EXOC4: variants seen among roughly 807,000 people sequenced by gnomAD.
EXOC4 encodes exocyst complex component 4.
A neutral mutation model predicts 107.2 loss-of-function variants in EXOC4; 71 were observed. The observed-to-expected ratio is 0.66, with a 90% CI of 0.55 to 0.81. The LOEUF (loss-of-function observed/expected upper bound fraction) is 0.81. Among genes scored for constraint, EXOC4 ranks in the 30% least tolerant of loss-of-function variants. The probability of loss-of-function intolerance (pLI) is 0.00; values close to 1 mark genes in which losing one functional copy is unlikely to be tolerated. For synonymous variants in EXOC4, 456 were observed against 441.2 expected, an observed-to-expected ratio of 1.03 and a Z score of -0.42; for missense variants, 1,108 against 1,189.6, an observed-to-expected ratio of 0.93 and a Z score of 1.01.
intron 14 of EXOC4, among the ~76,000 whole-genome samples, chr7:133,996,070 T>G (rs1794385775): frequency 6.6e-6 from 1 of 152,198 alleles, no homozygotes. Flanking sequence ...TGGAATTATT[T>G]TGTAAGTATA....
chr7:133,854,812 T>C, intron 11 of EXOC4, among the ~76,000 whole-genome samples: 1 of 136,380 alleles, frequency 7.3e-6, no homozygotes, highest in Non-Finnish European at 1.6e-5. Flanking sequence ...TAGAAGCCAA[T>C]AAAAAAAAAA....
rs73437323 is a variant in EXOC4 at position 133,853,157 on chromosome 7, G to C, written c.1734+35613G>C. Among the ~76,000 whole-genome samples, 468 of 152,162 alleles carry C rather than the reference G, an allele frequency of 3.1e-3. 5 individuals carry two copies. Among genetic ancestry groups the C allele is most frequent in the African/African-American group, 0.011 (453 of 41,524 alleles). On this transcript the variant is annotated intron_variant, in intron 11 of 17. Coordinates refer to ENST00000253861, the MANE Select transcript of EXOC4 (RefSeq NM_021807.4). Reference sequence around the variant, plus strand: ...ATCGAGGTCGTCTCCAGCTTCTTTGGAACAATGCCATTCTTTAGCATGACA... The same window carrying C: ...ATCGAGGTCGTCTCCAGCTTCTTTGCAACAATGCCATTCTTTAGCATGACA...
At chr7:133,862,517 G>T (rs1437668289) in intron 11 of EXOC4, among the ~76,000 whole-genome samples, 2 of 152,086 alleles carry the variant, frequency 1.3e-5, no homozygotes, top group African/African-American at 4.8e-5. Flanking sequence ...CTCATTCCCA[G>T]AGGCTTCATT....
At chr7:133,549,071 T>G (rs959937712) in intron 9 of EXOC4, among the ~76,000 whole-genome samples, 2 of 152,234 alleles carry the variant, frequency 1.3e-5, no homozygotes, top group African/African-American at 4.8e-5. Flanking sequence ...TGGCACGATC[T>G]TGGCTCACCG....
chr7:133,984,277 A>G (rs757841811), intron 14 of EXOC4, among the ~76,000 whole-genome samples: 19 of 152,214 alleles, frequency 1.2e-4, no homozygotes, highest in Non-Finnish European at 2.6e-4. Context: ...GTGGTAGCCT[A>G]AGGGAACGAC....
intron 10 of EXOC4, among the ~76,000 whole-genome samples, chr7:133,727,183 A>G (rs11983310): frequency 0.99 from 150,265 of 152,356 alleles, 74,148 homozygotes; most frequent in Middle Eastern, 1. Context: ...TAAGTAAGTG[A>G]ATGTCAAGCT....
intron 1 of EXOC4, among the ~76,000 whole-genome samples, chr7:133,274,232 T>A (rs1213295401): frequency 1.3e-5 from 2 of 152,232 alleles, no homozygotes; most frequent in African/African-American, 4.8e-5. Context: ...AGAATTAATA[T>A]GACCTTATTT....
At chr7:133,471,021 C>G (rs1314788500) in intron 7 of EXOC4, among the ~76,000 whole-genome samples, 1 of 152,148 alleles carries the variant, frequency 6.6e-6, no homozygotes, top group African/African-American at 2.4e-5. Flanking sequence ...TACTAGGCAT[C>G]TGATGTTTGT....
intron 2 of EXOC4, among the ~76,000 whole-genome samples, chr7:133,276,409 A>G (rs1793992729): frequency 6.6e-6 from 1 of 152,196 alleles, no homozygotes. Flanking sequence ...GCCACCACTT[A>G]TTGAACACTG....
At chr7:133,313,435 C>T (rs1226106129) in intron 4 of EXOC4, among the ~76,000 whole-genome samples, 1 of 152,116 alleles carries the variant, frequency 6.6e-6, no homozygotes, top group African/African-American at 2.4e-5. Context: ...TGAGCACTTG[C>T]TCTTTGACAA....
At chr7:133,897,761 G>T (rs1339667167) in intron 12 of EXOC4, among the ~76,000 whole-genome samples, 1 of 151,902 alleles carries the variant, frequency 6.6e-6, no homozygotes, top group African/African-American at 2.4e-5. Context: ...ACAATTGGAT[G>T]TTCTGATATA....
At chr7:133,293,730 G>C (rs1285752802) in intron 3 of EXOC4, among the ~76,000 whole-genome samples, 1 of 152,168 alleles carries the variant, frequency 6.6e-6, no homozygotes, top group Non-Finnish European at 1.5e-5. Context: ...TGTCATGACA[G>C]GGAATGTCTG....
Position 133,878,170 on chromosome 7 carries a change from A to G in EXOC4, c.1735-17429A>G, listed in dbSNP as rs188136892. Reference sequence around the variant, plus strand: ...TAGCATTATCACTATCACAATTAGAAAAAGTTTCTAATATCTCCATATTTC... The same window carrying G: ...TAGCATTATCACTATCACAATTAGAGAAAGTTTCTAATATCTCCATATTTC... On this transcript the variant is annotated intron_variant, in intron 11 of 17. Coordinates refer to ENST00000253861, the MANE Select transcript of EXOC4 (RefSeq NM_021807.4). Among the ~76,000 whole-genome samples, 20 of 152,322 alleles carry G rather than the reference A, an allele frequency of 1.3e-4. No homozygotes were observed. The East Asian group carries it at 3.5e-3, about 26-fold the overall frequency.
intron 10 of EXOC4, among the ~76,000 whole-genome samples, chr7:133,807,331 A>AT (rs1251454296): frequency 6.6e-6 from 1 of 152,230 alleles, no homozygotes; most frequent in Non-Finnish European, 1.5e-5. Flanking sequence ...AAGAATCCAT[A>AT]TAAAGCTCTT....
At chr7:133,697,782 C>T (rs187547258) in intron 10 of EXOC4, among the ~76,000 whole-genome samples, 51 of 152,218 alleles carry the variant, frequency 3.4e-4, no homozygotes, top group Admixed American at 2.9e-3. Context: ...CTGGCTAACC[C>T]GACTTGATAG....
chr7:133,469,835 G>A (rs1229887814), intron 7 of EXOC4, among the ~76,000 whole-genome samples: 3 of 152,066 alleles, frequency 2.0e-5, no homozygotes, highest in Non-Finnish European at 4.4e-5. Flanking sequence ...CTCCCTCTGC[G>A]GATTGACTTC....
chr7:133,469,015 T>G (rs1269044995), intron 7 of EXOC4, among the ~76,000 whole-genome samples: 2 of 152,170 alleles, frequency 1.3e-5, no homozygotes, highest in African/African-American at 4.8e-5. Context: ...GACAATTTTT[T>G]CATGTTACTA....
intron 11 of EXOC4, among the ~76,000 whole-genome samples, 168 bp from the exon 12 acceptor site, chr7:133,895,431 A>T (rs1799283461): frequency 6.6e-6 from 1 of 152,086 alleles, no homozygotes; most frequent in South Asian, 2.1e-4. Context: ...AGCTGTTCCT[A>T]TTCGGCCATC....
chr7:133,623,654 G>T (rs371993964), intron 9 of EXOC4, among the ~76,000 whole-genome samples: 4 of 152,240 alleles, frequency 2.6e-5, no homozygotes, highest in African/African-American at 9.6e-5. Context: ...TTTTCTTCCT[G>T]TGTCCAGCAG....
Sources: allele counts gnomAD v4.1 joint callset (sites outside exome capture counted in the v4.1 genomes callset), GRCh38; gene constraint gnomAD v4.1.1; transcripts MANE v1.5; gene names NCBI Gene and HGNC (gene_info 2026-07-23, HGNC 2026-07-21).